The following NTM variants were observed in gnomAD, a reference collection of about 807,000 sequenced individuals.
NTM encodes the protein neurotrimin.
A neutral mutation model predicts 42.1 loss-of-function variants in NTM; 13 were observed. The ratio of observed to expected loss-of-function variants is 0.31; its 90% confidence interval spans 0.20 to 0.49. The LOEUF (loss-of-function observed/expected upper bound fraction) is 0.49. Among genes scored for constraint, NTM ranks in the 20% least tolerant of loss-of-function variants. The probability of loss-of-function intolerance (pLI) is 0.99; values close to 1 mark genes in which losing one functional copy is unlikely to be tolerated. For missense variants in NTM, 373 were observed against 452.8 expected (o/e 0.82, Z 1.60); for synonymous variants, 187 against 179.2 (o/e 1.04, Z -0.35).
In NTM at chr11:131,492,495, A is replaced by C. The variant is rs79392687; in HGVS notation, c.82+121607A>C. Among the ~76,000 whole-genome samples the C allele has an allele frequency of 7.9e-3, 1,207 of 152,284 alleles. 15 individuals are homozygous for C. Among genetic ancestry groups the C allele is most frequent in the African/African-American group, 0.028 (1,159 of 41,556 alleles). ...ATTATCCCAATGTTACCAAAGAAAAATATGTAGCTTAGAGAAACAAGTCCT... is the reference window on the plus strand; with the variant it reads ...ATTATCCCAATGTTACCAAAGAAAACTATGTAGCTTAGAGAAACAAGTCCT... On this transcript the variant is annotated intron_variant, in intron 1 of 8. Transcript: ENST00000683400.
chr11:131,789,667 A>AAGAAGAAGAAGAAG (rs1004938972), intron 1 of NTM, among the ~76,000 whole-genome samples: 1 of 121,626 alleles, frequency 8.2e-6, no homozygotes, highest in Non-Finnish European at 1.8e-5. Context: ...GAAGAAGAAG[A>AAGAAGAAGAAGAAG]AAGCATGGGC....
intron 4 of NTM, among the ~76,000 whole-genome samples, chr11:132,298,796 A>G (rs1286493878): frequency 2.0e-5 from 3 of 152,220 alleles, no homozygotes; most frequent in Non-Finnish European, 4.4e-5. Context: ...TCAACCATAT[A>G]CACATATTCA....
chr11:131,980,967 G>A (rs1245325433), intron 2 of NTM: 4 of 152,238 alleles, frequency 2.6e-5, no homozygotes, highest in African/African-American at 9.6e-5. Context: ...ATTACTTCAA[G>A]TTGATTTAAT....
intron 2 of NTM, among the ~76,000 whole-genome samples, chr11:132,107,577 C>G (rs890549823): frequency 2.6e-5 from 4 of 151,482 alleles, no homozygotes; most frequent in Admixed American, 2.6e-4. Flanking sequence ...ACTTTGTTAC[C>G]CAGGCTGGTC....
chr11:132,062,089 T>A (rs2080773196), intron 2 of NTM, among the ~76,000 whole-genome samples: 1 of 152,144 alleles, frequency 6.6e-6, no homozygotes, highest in Non-Finnish European at 1.5e-5. Context: ...GCAGGTACAG[T>A]CACTCTAATC....
intron 2 of NTM, among the ~76,000 whole-genome samples, chr11:131,912,370 T>C (rs1001354455): frequency 6.6e-6 from 1 of 152,124 alleles, no homozygotes; most frequent in Admixed American, 6.5e-5. Context: ...CAGTGTTGGG[T>C]TGGGTCCTGA....
intron 2 of NTM, among the ~76,000 whole-genome samples, chr11:132,122,513 C>G (rs2065013151): frequency 6.6e-6 from 1 of 152,114 alleles, no homozygotes; most frequent in African/African-American, 2.4e-5. Context: ...TTTAAGGATG[C>G]CTGAAGATGT....
chr11:131,773,136 G>T lies in NTM; in HGVS notation c.83-138428G>T, dbSNP rs370515550. Among the ~76,000 whole-genome samples the T allele has an allele frequency of 3.3e-5, 5 of 152,290 alleles. No individual in the cohort carries two copies. The Middle Eastern group carries it at 0.01, about 311-fold the overall frequency. On this transcript the variant is annotated intron_variant, in intron 1 of 8. Coordinates refer to ENST00000683400, the MANE Select transcript of NTM (RefSeq NM_001352005.2). ...GGAAGCTGGGAAGTCCAAGGTCAAGGTGCCAGCAGGTCAGTGTCTGGTGAG... is the reference window on the plus strand; with the variant it reads ...GGAAGCTGGGAAGTCCAAGGTCAAGTTGCCAGCAGGTCAGTGTCTGGTGAG...
At chr11:131,738,149 C>T (rs993658916) in intron 1 of NTM, among the ~76,000 whole-genome samples, 14 of 152,106 alleles carry the variant, frequency 9.2e-5, no homozygotes, top group Admixed American at 2.6e-4. Context: ...CGGGGCCAGC[C>T]CTCACTCCTG....
rs116426736 is a variant in NTM, at chr11:131,811,406, C to A, written c.83-100158C>A. Among the ~76,000 whole-genome samples the A allele has an allele frequency of 4.2e-3, 634 of 152,284 alleles. 4 individuals carry two copies. The highest frequency in any genetic ancestry group is 0.015 in the African/African-American group (618 of 41,554). Reference sequence around the variant, plus strand: ...CAAATCAGGATTTCAGTGTGCACATCCCACTGACCACTACCTCCTCCAACA... The same window carrying A: ...CAAATCAGGATTTCAGTGTGCACATACCACTGACCACTACCTCCTCCAACA... On this transcript the variant is annotated intron_variant, in intron 1 of 8. Transcript: ENST00000683400.
intron 1 of NTM, among the ~76,000 whole-genome samples, chr11:131,734,760 G>A (rs184736966): frequency 6.8e-4 from 103 of 152,218 alleles, no homozygotes; most frequent in Non-Finnish European, 1.3e-3. Context: ...AACTATATCA[G>A]CATTACCAAC....
intron 1 of NTM, among the ~76,000 whole-genome samples, chr11:131,461,813 A>G (rs1951405549): frequency 6.6e-6 from 1 of 152,228 alleles, no homozygotes; most frequent in Non-Finnish European, 1.5e-5. Flanking sequence ...TTGAATATAT[A>G]TAATTTTTCT....
chr11:131,837,984 T>C (rs888420288), intron 1 of NTM, among the ~76,000 whole-genome samples: 2 of 152,214 alleles, frequency 1.3e-5, no homozygotes, highest in African/African-American at 2.4e-5. Context: ...CTTCTGTCTG[T>C]GTTTTGAATA....
chr11:131,702,954 A>G (rs2076225911), intron 1 of NTM, among the ~76,000 whole-genome samples: 1 of 152,240 alleles, frequency 6.6e-6, no homozygotes, highest in Non-Finnish European at 1.5e-5. Context: ...ATTTTTTTGT[A>G]TGAATATGAC....
At chr11:131,969,648 C>A (rs2063279797) in intron 2 of NTM, among the ~76,000 whole-genome samples, 1 of 152,098 alleles carries the variant, frequency 6.6e-6, no homozygotes, top group African/African-American at 2.4e-5. Flanking sequence ...ACTTTAGACT[C>A]TCGGCAGATC....
intron 1 of NTM, among the ~76,000 whole-genome samples, chr11:131,766,210 C>T (rs893918872): frequency 2.0e-5 from 3 of 152,138 alleles, no homozygotes; most frequent in African/African-American, 7.2e-5. Context: ...CATATATGCC[C>T]TTTGGGTTTA....
intron 1 of NTM, among the ~76,000 whole-genome samples, chr11:131,901,947 T>C (rs1489745515): frequency 1.3e-5 from 2 of 152,232 alleles, no homozygotes; most frequent in Non-Finnish European, 2.9e-5. Context: ...ACCAAAGCTT[T>C]AGGGAAATCA....
At chr11:132,038,662 C>T (rs2076800527) in intron 2 of NTM, among the ~76,000 whole-genome samples, 1 of 152,192 alleles carries the variant, frequency 6.6e-6, no homozygotes, top group South Asian at 2.1e-4. Flanking sequence ...GATGTTGTCA[C>T]CCCTGGCAGA....
intron 1 of NTM, among the ~76,000 whole-genome samples, chr11:131,650,686 C>G (rs1449475054): frequency 6.6e-6 from 1 of 152,010 alleles, no homozygotes; most frequent in Non-Finnish European, 1.5e-5. Context: ...GATATAGGAA[C>G]AGTAATTTAC....
Sources: gnomAD v4.1 joint callset for allele counts (sites outside exome capture counted in the v4.1 genomes callset) on GRCh38, gnomAD v4.1.1 for gene constraint, MANE v1.5 for transcripts, NCBI Gene and HGNC (gene_info 2026-07-23, HGNC 2026-07-21) for gene names.